Variants in ETFRF1 observed in about 807,000 individuals in gnomAD.
ETFRF1 encodes the protein LYR motif containing 5.
ETFRF1 carries 12 observed loss-of-function variants against 9.0 expected under a neutral mutation model. The ratio of observed to expected loss-of-function variants is 1.34; its 90% CI spans 0.86 to 2.16. ETFRF1 has a LOEUF of 2.16. ETFRF1 is among the 30% of genes most tolerant of loss of function. ETFRF1 has a pLI of 0.00. For synonymous variants in ETFRF1, 34 were observed against 33.2 expected (o/e 1.02, Z -0.08); for missense variants, 98 against 101.8 (o/e 0.96, Z 0.16).
chr12:25,195,285 C>A lies in ETFRF1; in HGVS notation c.-90C>A, dbSNP rs867143411. The A allele has an allele frequency of 1.6e-6, 1 of 627,414 alleles. No homozygotes were observed. The highest frequency in any genetic ancestry group is 2.8e-6 in the Non-Finnish European group (1 of 352,278). 38.9% of individuals were successfully genotyped at this position (627,414 alleles called of 1,614,324 possible). A position where few individuals can be genotyped will look rare whatever the true frequency, so the allele number is the denominator to read the frequency against. ...CAACGCCACCCCGCTTCGCAGTAGACGGACAGAGGAGTCGTAGCGGTCGAG... is the reference window on the plus strand; with the variant it reads ...CAACGCCACCCCGCTTCGCAGTAGAAGGACAGAGGAGTCGTAGCGGTCGAG... On this transcript the variant is annotated 5_prime_UTR_variant, in exon 1 of 3. Coordinates refer to ENST00000381356, the MANE Select transcript of ETFRF1 (RefSeq NM_001001660.3).
At chr12:25,202,293 G>A (rs574898747) in intron 1 of ETFRF1, among the ~76,000 whole-genome samples, 3 of 151,878 alleles carry the variant, frequency 2.0e-5, no homozygotes, top group East Asian at 1.9e-4. Flanking sequence ...AAGTCATTAC[G>A]TGGGGCTGAG....
intron 1 of ETFRF1, among the ~76,000 whole-genome samples, chr12:25,201,310 A>G (rs2141469731): frequency 6.6e-6 from 1 of 152,368 alleles, no homozygotes; most frequent in African/African-American, 2.4e-5. Flanking sequence ...GAAGGGATCC[A>G]GAAAGCCTGG....
chr12:25,198,266 G>T (rs1332352755), intron 1 of ETFRF1, among the ~76,000 whole-genome samples: 2 of 152,096 alleles, frequency 1.3e-5, no homozygotes, highest in African/African-American at 4.8e-5. Flanking sequence ...ACATAATGCT[G>T]GATGCAGGGC....
chr12:25,199,239 AAAAT>A (rs994467848), intron 1 of ETFRF1, among the ~76,000 whole-genome samples: 1 of 149,314 alleles, frequency 6.7e-6, no homozygotes, highest in Non-Finnish European at 1.5e-5. Flanking sequence ...CATAGAAACA[AAAAT>A]AAAAGGAATT....
chr12:25,195,325 G>T lies in ETFRF1; in HGVS notation c.-50G>T. On this transcript the variant is annotated 5_prime_UTR_variant, in exon 1 of 3. Transcript: ENST00000381356. ...TAGCGGTCGAGGCTTTTGCGGCTCC[G>T]GCGTGCCGGAAAGTGCGTGAGTGCC... is the stretch of plus-strand genomic sequence containing the variant. 1 of 602,596 alleles carries T rather than the reference G, an allele frequency of 1.7e-6. No homozygotes were observed. Among genetic ancestry groups the T allele is most frequent in the South Asian group, 2.0e-5 (1 of 50,692 alleles). 37.3% of individuals were successfully genotyped at this position (602,596 alleles called of 1,614,324 possible).
chr12:25,195,923 A>C (rs910583404), intron 1 of ETFRF1: 1 of 152,208 alleles, frequency 6.6e-6, no homozygotes, highest in African/African-American at 2.4e-5. Context: ...GGAAAACTAC[A>C]ATTAAGTGAG....
chr12:25,202,775 CAA>C (rs1951086136), intron 1 of ETFRF1, among the ~76,000 whole-genome samples: 1 of 152,030 alleles, frequency 6.6e-6, no homozygotes, highest in Non-Finnish European at 1.5e-5. Flanking sequence ...CACTGTTCAG[CAA>C]GAGTATTAAA....
rs1418281547 is a variant in ETFRF1 at position 25,204,782 on chromosome 12, AAC to A, written c.*472_*473del. Reference sequence around the variant, plus strand: ...CATACTCAAGGTTCACTACAAAACAAACAGTTCCTGGTAATGATTTAAATGTA... The same window carrying A: ...CATACTCAAGGTTCACTACAAAACAAAGTTCCTGGTAATGATTTAAATGTA... On this transcript the variant is annotated 3_prime_UTR_variant, in exon 3 of 3. Coordinates refer to ENST00000381356, the MANE Select transcript of ETFRF1 (RefSeq NM_001001660.3). 1 of 187,120 alleles carries A rather than the reference AAC, an allele frequency of 5.3e-6. No individual in the cohort carries two copies. The highest frequency in any genetic ancestry group is 1.1e-5 in the Non-Finnish European group (1 of 88,354). 11.6% of individuals were successfully genotyped at this position (187,120 alleles called of 1,614,324 possible). A position where few individuals can be genotyped will look rare whatever the true frequency, so the allele number is the denominator to read the frequency against.
chr12:25,202,063 CAAAAAAA>C (rs149050811), intron 1 of ETFRF1, among the ~76,000 whole-genome samples: 25 of 52,814 alleles, frequency 4.7e-4, no homozygotes, highest in Admixed American at 1.0e-3. Context: ...TACTGAAATA[CAAAAAAA>C]AAAAAAAAAA....
chr12:25,204,374 T>A lies in ETFRF1; in HGVS notation c.*62T>A. Reference sequence around the variant, plus strand: ...TTTATGTATACCAGATGTTGTAAAATAATTCTAACTTAAAATGGGAAGATA... The same window carrying A: ...TTTATGTATACCAGATGTTGTAAAAAAATTCTAACTTAAAATGGGAAGATA... On this transcript the variant is annotated 3_prime_UTR_variant, in exon 3 of 3. Transcript: ENST00000381356. 7.6e-7 allele frequency: 1 copy of A among 1,310,434 alleles called. No individual in the cohort carries two copies. The highest frequency in any genetic ancestry group is 1.0e-6 in the Non-Finnish European group (1 of 976,938). 81.2% of individuals were successfully genotyped at this position (1,310,434 alleles called of 1,614,324 possible). A position where few individuals can be genotyped will look rare whatever the true frequency, so the allele number is the denominator to read the frequency against.
chr12:25,198,237 G>T (rs1300088705), intron 1 of ETFRF1, among the ~76,000 whole-genome samples: 1 of 152,142 alleles, frequency 6.6e-6, no homozygotes, highest in Non-Finnish European at 1.5e-5. Flanking sequence ...TGGAAACAAA[G>T]TTAAGTGAAT....
At chr12:25,201,307 T>C (rs1951071585) in intron 1 of ETFRF1, among the ~76,000 whole-genome samples, 1 of 152,218 alleles carries the variant, frequency 6.6e-6, no homozygotes, top group African/African-American at 2.4e-5. Context: ...CTAGAAGGGA[T>C]CCAGAAAGCC....
intron 1 of ETFRF1, 120 bp from the exon 2 acceptor site, chr12:25,203,800 G>C: frequency 1.7e-6 from 1 of 577,950 alleles, no homozygotes; most frequent in East Asian, 3.3e-5. Flanking sequence ...GAACGAAAAA[G>C]TTATCAAGAA....
At chr12:25,195,494 T>C (rs1007739114) in intron 1 of ETFRF1, 157 bp downstream of exon 1, 17 of 310,954 alleles carry the variant, frequency 5.5e-5, no homozygotes, top group African/African-American at 3.0e-4. Context: ...GTTGGGTCTT[T>C]CTGTGAGGGT....
At chr12:25,199,463 CTGTT>C (rs1445947479) in intron 1 of ETFRF1, among the ~76,000 whole-genome samples, 1 of 150,252 alleles carries the variant, frequency 6.7e-6, no homozygotes, top group African/African-American at 2.4e-5. Context: ...CTGGCTACCT[CTGTT>C]TGTCAATATA....
chr12:25,203,408 T>G (rs770088593), intron 1 of ETFRF1, among the ~76,000 whole-genome samples: 1 of 152,242 alleles, frequency 6.6e-6, no homozygotes, highest in Non-Finnish European at 1.5e-5. Flanking sequence ...TCACCCAGTT[T>G]CTGCTAGTTT....
rs1455648885 is a variant in ETFRF1, at chr12:25,204,896, CTA to C, written c.*586_*587del. On this transcript the variant is annotated 3_prime_UTR_variant, in exon 3 of 3. Transcript: ENST00000381356. ...GACTGGCATTAACATACATAACTAA[CTA>C]TTCAATTATTTCCATTATTAATGTT... 1.0e-5 allele frequency: 2 copies of C among 199,994 alleles called. No individual in the cohort carries two copies. Among genetic ancestry groups the C allele is most frequent in the African/African-American group, 4.6e-5 (2 of 43,546 alleles). The allele number at this position is 199,994 out of a possible 1,614,324, so 12.4% of individuals were successfully genotyped here.
intron 1 of ETFRF1, among the ~76,000 whole-genome samples, chr12:25,202,676 A>G (rs1951085075): frequency 6.6e-6 from 1 of 152,090 alleles, no homozygotes; most frequent in Non-Finnish European, 1.5e-5. Context: ...CCGAATGGTG[A>G]CAGCAAGAGG....
At chr12:25,199,313 CA>C (rs1951055672) in intron 1 of ETFRF1, among the ~76,000 whole-genome samples, 1 of 136,214 alleles carries the variant, frequency 7.3e-6, no homozygotes, top group African/African-American at 2.6e-5. Flanking sequence ...CTACATAGTA[CA>C]TATAGTACAT....
Sources: allele counts gnomAD v4.1 joint callset (sites outside exome capture counted in the v4.1 genomes callset), GRCh38; gene constraint gnomAD v4.1.1; transcripts MANE v1.5; gene names NCBI Gene and HGNC (gene_info 2026-07-23, HGNC 2026-07-21).